Variants in CTNS observed in about 807,000 individuals in gnomAD.
The protein encoded by CTNS is cystinosin, lysosomal cystine transporter.
CTNS carries 27 observed loss-of-function variants against 43.7 expected under a neutral mutation model. That is an observed-to-expected ratio of 0.62 (90% CI 0.46 to 0.85). The LOEUF is 0.85. Ranked by LOEUF, CTNS falls within the 40% of genes least tolerant of loss-of-function variation. CTNS has a pLI of 0.00. For missense variants in CTNS, 457 were observed against 475.4 expected (o/e 0.96, Z 0.36); for synonymous variants, 187 against 190.6 (o/e 0.98, Z 0.16).
At chr17:3,646,201 G>A (rs1597616341) in intron 3 of CTNS, among the ~76,000 whole-genome samples, 4 of 152,168 alleles carry the variant, frequency 2.6e-5, no homozygotes, top group Non-Finnish European at 4.4e-5. Context: ...AGGCTGGGAC[G>A]GGGCTGCACA....
At position 3,660,551 on chromosome 17, in the gene CTNS, C is replaced by G; in HGVS notation, c.*182C>G. 1 of 1,612,914 alleles carries G rather than the reference C, an allele frequency of 6.2e-7. No individual in the cohort carries two copies. The highest frequency in any genetic ancestry group is 8.5e-7 in the Non-Finnish European group (1 of 1,179,998). ...CAATAGCCTGCCTTCGTCCGGGCCC[C>G]TCCTGGGCCTCCCCGGCCAGGCACG... On this transcript the variant is annotated 3_prime_UTR_variant, in exon 12 of 12. Transcript: ENST00000046640.
rs1329885885 is a variant in CTNS at position 3,654,983 on chromosome 17, C to T, written c.226-15C>T. 1.3e-5 allele frequency: 21 copies of T among 1,591,384 alleles called. No homozygotes were observed. Among genetic ancestry groups the T allele is most frequent in the Non-Finnish European group, 1.6e-5 (19 of 1,159,236 alleles). On this transcript the variant is annotated splice_polypyrimidine_tract_variant and intron_variant, in intron 5 of 11. Transcript: ENST00000046640. ...CTGTACGTGGCATCGGATTGAACCT[C>T]AGTCTTCCTAACAGGTTGTGGTGCC... is the stretch of plus-strand genomic sequence containing the variant.
chr17:3,638,484 TG>T (rs1248829538), intron 2 of CTNS, among the ~76,000 whole-genome samples: 1 of 150,766 alleles, frequency 6.6e-6, no homozygotes, highest in Non-Finnish European at 1.5e-5. Flanking sequence ...GTGATCCAAC[TG>T]CCTCGGCCTC....
chr17:3,662,688 T>C lies in CTNS; in HGVS notation c.*2319T>C. ...GTCCCACCCCAGTGCTCCCAGACAC[T>C]CCCACAGATGTGGTTCTGGTCAGGC... On this transcript the variant is annotated 3_prime_UTR_variant, in exon 12 of 12. Coordinates refer to ENST00000046640, the MANE Select transcript of CTNS (RefSeq NM_004937.3). 6.6e-6 allele frequency among the ~76,000 whole-genome samples: 1 copy of C among 152,166 alleles called. No individual in the cohort carries two copies. Among genetic ancestry groups the C allele is most frequent in the Admixed American group, 6.5e-5 (1 of 15,272 alleles).
rs1437966485 is a variant in CTNS, at chr17:3,661,779, GGATGT to G, written c.*1413_*1417del. 2.0e-5 allele frequency among the ~76,000 whole-genome samples: 3 copies of G among 152,210 alleles called. No homozygotes were observed. The highest frequency in any genetic ancestry group is 4.4e-5 in the Non-Finnish European group (3 of 68,040). ...GTTACCAGGGCACGCCACTCAATCT[GGATGT>G]GAGCCGGGGTGGATGAGGTTCTGAA... On this transcript the variant is annotated 3_prime_UTR_variant, in exon 12 of 12. Coordinates refer to ENST00000046640, the MANE Select transcript of CTNS (RefSeq NM_004937.3).
At chr17:3,653,736 C>T (rs756662548) in intron 5 of CTNS, among the ~76,000 whole-genome samples, 3 of 151,938 alleles carry the variant, frequency 2.0e-5, no homozygotes, top group Admixed American at 6.6e-5. Context: ...ATTAGCCAGA[C>T]GTGGTGGCAC....
rs902177752 is a variant in CTNS, at chr17:3,647,474, T to C, written c.92T>C (p.Val31Ala). Residue 31 changes from valine to alanine, a missense_variant, in exon 4 of 12, where the codon GTC becomes GCC. Coordinates refer to ENST00000046640, the MANE Select transcript of CTNS (RefSeq NM_004937.3). ...AGCGTCAGCCTCACTGTTCCTCCTG[T>C]CGTAAAGCTGGAGAACGGCAGCTCG... The part of the protein sequence containing the change: ...ESSVSLTVPP[V>A]VKLENGSSTN... The C allele has an allele frequency of 1.2e-6, 2 of 1,614,030 alleles. No homozygotes were observed. The highest frequency in any genetic ancestry group is 1.3e-5 in the African/African-American group (1 of 74,928).
At position 3,660,518 on chromosome 17, in the gene CTNS, A is replaced by G; in HGVS notation, c.*149A>G. 1 of 1,612,512 alleles carries G rather than the reference A, an allele frequency of 6.2e-7. No homozygotes were observed. The highest frequency in any genetic ancestry group is 8.5e-7 in the Non-Finnish European group (1 of 1,179,958). ...GAGACCACTCTGCTCCTGGGGCCAG[A>G]GGCCATTCAATAGCCTGCCTTCGTC... On this transcript the variant is annotated 3_prime_UTR_variant, in exon 12 of 12. Coordinates refer to ENST00000046640, the MANE Select transcript of CTNS (RefSeq NM_004937.3).
intron 10 of CTNS, among the ~76,000 whole-genome samples, chr17:3,659,256 G>A (rs781293583): frequency 3.2e-4 from 49 of 152,180 alleles, no homozygotes; most frequent in Non-Finnish European, 1.6e-4. Flanking sequence ...GGAGGACGTG[G>A]GGCACAGGCA....
intron 3 of CTNS, among the ~76,000 whole-genome samples, chr17:3,641,384 A>ATATATATATATATTTTTTTT (rs1555558526): frequency 3.2e-5 from 1 of 31,204 alleles, no homozygotes; most frequent in African/African-American, 2.3e-4. Flanking sequence ...ATATATATAT[A>ATATATATATATATTTTTTTT]TTTTTTTTTT....
At chr17:3,641,067 G>C (rs1466342776) in intron 3 of CTNS, among the ~76,000 whole-genome samples, 1 of 151,980 alleles carries the variant, frequency 6.6e-6, no homozygotes, top group African/African-American at 2.4e-5. Context: ...GCATCCCCTT[G>C]TAAGATGAGA....
chr17:3,640,723 C>T (rs322954), intron 3 of CTNS, among the ~76,000 whole-genome samples: 36,305 of 152,120 alleles, frequency 0.24, 5,017 homozygotes, highest in East Asian at 0.5. Flanking sequence ...CGTAGTGAAA[C>T]CCCATGTCTA....
intron 3 of CTNS, among the ~76,000 whole-genome samples, chr17:3,646,867 C>G (rs1464899496): frequency 6.6e-6 from 1 of 152,190 alleles, no homozygotes; most frequent in African/African-American, 2.4e-5. Flanking sequence ...AACTATTCAC[C>G]CTTCCTCCTC....
chr17:3,653,129 A>C (rs2076026720), intron 5 of CTNS, among the ~76,000 whole-genome samples: 1 of 152,280 alleles, frequency 6.6e-6, no homozygotes, highest in Admixed American at 6.5e-5. Flanking sequence ...GCCTCTCGGA[A>C]GGCCGGGCAT....
At chr17:3,658,322 G>A (rs923483039) in intron 10 of CTNS, 147 bp downstream of exon 10, 1 of 1,110,660 alleles carries the variant, frequency 9.0e-7, no homozygotes, top group Non-Finnish European at 1.3e-6. Flanking sequence ...CGGGAGCGGG[G>A]CGGTGGGGAG....
intron 3 of CTNS, among the ~76,000 whole-genome samples, chr17:3,640,864 A>G (rs1382411581): frequency 6.6e-6 from 1 of 152,210 alleles, no homozygotes; most frequent in African/African-American, 2.4e-5. Context: ...TGATCACACT[A>G]CTGCACTCCG....
intron 2 of CTNS, among the ~76,000 whole-genome samples, chr17:3,638,140 C>G (rs1430175787): frequency 6.6e-6 from 1 of 152,102 alleles, no homozygotes; most frequent in South Asian, 2.1e-4. Context: ...AGGAAGGGCA[C>G]GCCAGACAGA....
intron 3 of CTNS, among the ~76,000 whole-genome samples, chr17:3,645,058 G>A (rs2075813437): frequency 6.6e-6 from 1 of 152,232 alleles, no homozygotes. Flanking sequence ...GTGGCTGGTT[G>A]TGGGACTTGC....
chr17:3,658,319 G>A lies in CTNS; in HGVS notation c.852+144G>A, dbSNP rs565215030. The A allele has an allele frequency of 4.6e-3, 5,155 of 1,124,178 alleles. 17 individuals carry two copies. The highest frequency in any genetic ancestry group is 6.2e-3 in the Non-Finnish European group (4,775 of 775,726). The allele number at this position is 1,124,178 out of a possible 1,614,324, so 69.6% of individuals were successfully genotyped here. ...GGGAGCCCGGGAGCCCAGCGGGAGC[G>A]GGGCGGTGGGGAGGCCAGCCTGCCG... On this transcript the variant is annotated intron_variant, in intron 10 of 11. Transcript: ENST00000046640.
Sources: allele counts gnomAD v4.1 joint callset (sites outside exome capture counted in the v4.1 genomes callset), GRCh38; gene constraint gnomAD v4.1.1; transcripts MANE v1.5; gene names NCBI Gene and HGNC (gene_info 2026-07-23, HGNC 2026-07-21).